CSTF2: variants seen among roughly 807,000 people sequenced by gnomAD.
CSTF2 encodes the protein CF-1 64 kDa subunit.
A neutral mutation model predicts 45.4 loss-of-function variants in CSTF2; 8 were observed. The ratio of observed to expected loss-of-function variants is 0.18; its 90% CI spans 0.10 to 0.32. The LOEUF is 0.32. Ranked by LOEUF, CSTF2 falls within the 10% of genes least tolerant of loss-of-function variation. The probability of loss-of-function intolerance (pLI) is 1.00; values close to 1 mark genes in which losing one functional copy is unlikely to be tolerated. For missense variants in CSTF2, 253 were observed against 477.1 expected, an observed-to-expected ratio of 0.53 and a Z score of 4.38; for synonymous variants, 155 against 158.9, an observed-to-expected ratio of 0.98 and a Z score of 0.18.
chrX:100,821,478 A>T (rs1306125655), intron 1 of CSTF2, 49 bp from the exon 2 acceptor site: 4 of 895,093 alleles, frequency 4.5e-6, no homozygotes, highest in Non-Finnish European at 6.6e-6. Flanking sequence ...CTCACTAAAG[A>T]TCTATGTTAT....
In CSTF2 at chrX:100,824,265, T is replaced by C; in HGVS notation, c.702+8T>C. ...CCTCAGGCCCAGTCTTTGGTAGGGC[T>C]TTATCCCTTAACATTTTTTTGTATC... On this transcript the variant is annotated splice_region_variant and intron_variant, in intron 6 of 13. Coordinates refer to ENST00000372972, the MANE Select transcript of CSTF2 (RefSeq NM_001325.3). 8.4e-7 allele frequency: 1 copy of C among 1,189,628 alleles called. No homozygotes were observed. The highest frequency in any genetic ancestry group is 1.1e-6 in the Non-Finnish European group (1 of 886,595).
Position 100,824,105 on chromosome X carries a change from C to G in CSTF2, c.565-15C>G. ...TTAAACAGACAGCTCATAGGTTTGT[C>G]TTTTCACTTTTTAGAAAATTCTGCA... On this transcript the variant is annotated splice_polypyrimidine_tract_variant and intron_variant, in intron 5 of 13. Coordinates refer to ENST00000372972, the MANE Select transcript of CSTF2 (RefSeq NM_001325.3). 8.3e-7 allele frequency: 1 copy of G among 1,209,833 alleles called. No homozygotes were observed.
chrX:100,824,394 G>C, intron 6 of CSTF2, 137 bp downstream of exon 6: 1 of 669,242 alleles, frequency 1.5e-6, no homozygotes, highest in Admixed American at 4.2e-5. Flanking sequence ...CAATTTCCAG[G>C]TTGCAGAGCA....
chrX:100,835,318 C>T (rs1402444305), intron 11 of CSTF2, among the ~76,000 whole-genome samples: 1 of 106,552 alleles, frequency 9.4e-6, no homozygotes, highest in Admixed American at 1.0e-4. Flanking sequence ...GTAGTCCCAG[C>T]TACTCTGGAG....
At chrX:100,827,616 A>G (rs1222066721) in intron 7 of CSTF2, among the ~76,000 whole-genome samples, 4 of 112,351 alleles carry the variant, frequency 3.6e-5, no homozygotes, top group Non-Finnish European at 7.5e-5. Flanking sequence ...GGAATGGAAG[A>G]AGAGATTTTT....
chrX:100,821,045 T>A (rs897438008), intron 1 of CSTF2, among the ~76,000 whole-genome samples: 1 of 112,741 alleles, frequency 8.9e-6, no homozygotes, highest in Non-Finnish European at 1.9e-5. Flanking sequence ...AAGTTGTTTT[T>A]AAAAATACGT....
In CSTF2 at chrX:100,832,809, A is replaced by G; in HGVS notation, c.1107A>G (p.Pro369=). 8.3e-7 allele frequency: 1 copy of G among 1,210,294 alleles called. No individual in the cohort carries two copies. Among genetic ancestry groups the G allele is most frequent in the Non-Finnish European group, 1.1e-6 (1 of 894,477 alleles). ...GCCATGAGAGCCGAGGACCACCCCC[A>G]CATGAACTGAGGGGAGGGCCATTAC... ...VPGHESRGPP[P]HELRGGPLPE... is the part of the protein sequence containing the mutation. Residue 369 remains proline, a synonymous_variant, in exon 10 of 14, where the codon CCA becomes CCG. Transcript: ENST00000372972.
At chrX:100,829,352 A>G (rs1004493035) in intron 8 of CSTF2, among the ~76,000 whole-genome samples, 2 of 110,750 alleles carry the variant, frequency 1.8e-5, no homozygotes, top group East Asian at 2.8e-4. Context: ...TAGTTGGGCA[A>G]TGGTGGTGTG....
Position 100,840,700 on chromosome X carries a change from A to C in CSTF2, c.*4-14A>C, listed in dbSNP as rs1325825273. On this transcript the variant is annotated splice_polypyrimidine_tract_variant and intron_variant, in intron 13 of 13. Coordinates refer to ENST00000372972, the MANE Select transcript of CSTF2 (RefSeq NM_001325.3). ...CTTCACTTCTAATGGCTTTGTCCTA[A>C]CTTCTTCTTACAGGTTTTCAAAAAT... The C allele has an allele frequency of 9.0e-6, 1 of 111,586 alleles. No homozygotes were observed. Among genetic ancestry groups the C allele is most frequent in the Non-Finnish European group, 1.9e-5 (1 of 53,164 alleles). 9.2% of individuals were successfully genotyped at this position (111,586 alleles called of 1,213,427 possible).
At position 100,828,068 on chromosome X, in the gene CSTF2, A is replaced by G. The variant is rs772982259; in HGVS notation, c.855A>G (p.Pro285=). The G allele has an allele frequency of 8.3e-7, 1 of 1,207,936 alleles. No homozygotes were observed. The highest frequency in any genetic ancestry group is 1.1e-6 in the Non-Finnish European group (1 of 893,425). The stretch of plus-strand genomic sequence containing the variant: ...GAATGCAGGCTCAGGTTGGAATGCC[A>G]GGAAGTGGACCAGTGTCCATGGAAC... ...GGGMQAQVGM[P]GSGPVSMERG... is the part of the protein sequence containing the mutation. The change falls in exon 8 of 14, where the codon CCA becomes CCG. Residue 285 remains proline, a synonymous_variant. Coordinates refer to ENST00000372972, the MANE Select transcript of CSTF2 (RefSeq NM_001325.3).
At chrX:100,834,248 T>C (rs774619915) in intron 11 of CSTF2, among the ~76,000 whole-genome samples, 1 of 111,648 alleles carries the variant, frequency 9.0e-6, no homozygotes, top group East Asian at 2.8e-4. Context: ...TACTTCTCTC[T>C]TCTTTTTTTA....
At position 100,840,113 on chromosome X, in the gene CSTF2, C is replaced by A. The variant is rs925956833; in HGVS notation, c.*4-601C>A. On this transcript the variant is annotated intron_variant, in intron 13 of 13. Transcript: ENST00000372972. ...CTCAGTTTTCACCATTTTAAAAAAA[C>A]TATCATGATTTGTGTATATGTATGT... Among the ~76,000 whole-genome samples, 7 of 111,771 alleles carry A rather than the reference C, an allele frequency of 6.3e-5. No homozygotes were observed. In the East Asian group the frequency reaches 1.7e-3, roughly 27 times the overall value.
At chrX:100,822,911 C>T (rs905534814) in intron 3 of CSTF2, among the ~76,000 whole-genome samples, 1 of 108,609 alleles carries the variant, frequency 9.2e-6, no homozygotes, top group Non-Finnish European at 1.9e-5. Context: ...AATTCAAATT[C>T]ATCAAGCCAT....
intron 11 of CSTF2, among the ~76,000 whole-genome samples, 190 bp downstream of exon 11, chrX:100,833,662 CA>C (rs201633072): frequency 2.8e-5 from 3 of 107,765 alleles, no homozygotes; most frequent in Non-Finnish European, 3.9e-5. Flanking sequence ...GATTGTAGTT[CA>C]AAAAAAAACA....
Position 100,820,751 on chromosome X carries a change from C to T in CSTF2, c.58+277C>T, listed in dbSNP as rs1255983724. The T allele has an allele frequency of 4.8e-5, 22 of 461,572 alleles. No homozygotes were observed. The East Asian group carries it at 7.1e-4, about 15-fold the overall frequency. 38.0% of individuals were successfully genotyped at this position (461,572 alleles called of 1,213,427 possible). A position where few individuals can be genotyped will look rare whatever the true frequency, so the allele number is the denominator to read the frequency against. ...TTCAATTATTCTCTAGAGGAGAAGG[C>T]TCACGGTAACAGCTCCTCACTGTCC... On this transcript the variant is annotated intron_variant, in intron 1 of 13. Coordinates refer to ENST00000372972, the MANE Select transcript of CSTF2 (RefSeq NM_001325.3).
chrX:100,834,203 A>C (rs2084994190), intron 11 of CSTF2, among the ~76,000 whole-genome samples: 1 of 110,200 alleles, frequency 9.1e-6, no homozygotes, highest in Non-Finnish European at 1.9e-5. Flanking sequence ...TTTCCCTCTA[A>C]CTGCTCCACC....
chrX:100,833,262 AGAGGCCCGTGCAATG>A lies in CSTF2; in HGVS notation c.1302_1316del (p.Ala452_Glu456del), dbSNP rs779138581. The A allele has an allele frequency of 2.2e-5, 26 of 1,207,854 alleles. No homozygotes were observed. Among genetic ancestry groups the A allele is most frequent in the East Asian group, 8.9e-5 (3 of 33,683 alleles). ...CAAGAGGGTTAGATGCCAGAGGATT[AGAGGCCCGTGCAATG>A]GAGGCCCGTGCGATGGAAGCTCGTG... On this transcript the variant is annotated inframe_deletion, in exon 11 of 14. Transcript: ENST00000372972.
chrX:100,830,610 C>A (rs1408825441), intron 8 of CSTF2, among the ~76,000 whole-genome samples: 1 of 111,580 alleles, frequency 9.0e-6, no homozygotes, highest in Non-Finnish European at 1.9e-5. Context: ...GCTATCTGGT[C>A]AAAATGGAAC....
chrX:100,824,909 A>G (rs745899639), intron 6 of CSTF2, among the ~76,000 whole-genome samples: 1 of 112,485 alleles, frequency 8.9e-6, no homozygotes, highest in Non-Finnish European at 1.9e-5. Context: ...ACTGTACAAC[A>G]GTTAAATAAA....
Sources: allele counts gnomAD v4.1 joint callset (sites outside exome capture counted in the v4.1 genomes callset), GRCh38; gene constraint gnomAD v4.1.1; transcripts MANE v1.5; gene names NCBI Gene and HGNC (gene_info 2026-07-23, HGNC 2026-07-21).